Variants in NKAIN2 observed in about 807,000 individuals in gnomAD.
NKAIN2 encodes the protein sodium/potassium transporting ATPase interacting 2.
Under a neutral mutation model 32.6 loss-of-function variants are expected in NKAIN2, and 14 were observed. The observed-to-expected ratio is 0.43, with a 90% confidence interval of 0.28 to 0.67. NKAIN2 has a LOEUF of 0.67. Ranked by LOEUF, NKAIN2 falls within the 30% of genes least tolerant of loss-of-function variation. The pLI is 0.17. For synonymous variants in NKAIN2, 80 were observed against 87.2 expected, an observed-to-expected ratio of 0.92 and a Z score of 0.46; for missense variants, 198 against 258.3, an observed-to-expected ratio of 0.77 and a Z score of 1.60.
At chr6:123,961,015 C>T (rs1281323402) in intron 1 of NKAIN2, among the ~76,000 whole-genome samples, 3 of 152,000 alleles carry the variant, frequency 2.0e-5, no homozygotes, top group Admixed American at 2.0e-4. Flanking sequence ...CAAAAGAATA[C>T]TGCCCTGGTA....
intron 3 of NKAIN2, among the ~76,000 whole-genome samples, chr6:124,356,730 G>T (rs1026830571): frequency 1.3e-5 from 2 of 152,148 alleles, no homozygotes; most frequent in Admixed American, 1.3e-4. Context: ...AAGAAAAGCA[G>T]ACACGCTTTT....
At chr6:124,079,171 A>G (rs962007462) in intron 1 of NKAIN2, among the ~76,000 whole-genome samples, 6 of 152,026 alleles carry the variant, frequency 3.9e-5, no homozygotes, top group African/African-American at 1.4e-4. Context: ...AAAATACAAA[A>G]ATTAGGCGTG....
intron 4 of NKAIN2, among the ~76,000 whole-genome samples, chr6:124,775,479 A>G (rs1324251379): frequency 6.6e-6 from 1 of 152,236 alleles, no homozygotes; most frequent in Non-Finnish European, 1.5e-5. Flanking sequence ...TCCAAGTAGT[A>G]TATTCAAGTT....
At chr6:124,665,190 C>T (rs1396927963) in intron 4 of NKAIN2, among the ~76,000 whole-genome samples, 1 of 152,012 alleles carries the variant, frequency 6.6e-6, no homozygotes, top group Non-Finnish European at 1.5e-5. Flanking sequence ...AACCACAAAA[C>T]ACCAGAATAA....
intron 4 of NKAIN2, among the ~76,000 whole-genome samples, chr6:124,789,956 G>A (rs902327603): frequency 6.6e-6 from 1 of 151,990 alleles, no homozygotes; most frequent in Non-Finnish European, 1.5e-5. Context: ...AGAGAGGGCA[G>A]GGGGTACGCC....
intron 3 of NKAIN2, among the ~76,000 whole-genome samples, chr6:124,537,045 G>A (rs1453726143): frequency 6.6e-6 from 1 of 152,160 alleles, no homozygotes; most frequent in Non-Finnish European, 1.5e-5. Flanking sequence ...CACGTGGAAG[G>A]GAAGAAGCAG....
chr6:124,623,454 A>G (rs1465556210), intron 3 of NKAIN2, among the ~76,000 whole-genome samples: 4 of 152,218 alleles, frequency 2.6e-5, no homozygotes, highest in Non-Finnish European at 5.9e-5. Flanking sequence ...TTAAAAATGT[A>G]AGTATGAAAA....
intron 3 of NKAIN2, among the ~76,000 whole-genome samples, chr6:124,616,558 A>T (rs1333368348): frequency 7.6e-6 from 1 of 131,642 alleles, no homozygotes; most frequent in South Asian, 2.4e-4. Flanking sequence ...TCCGCCTCCC[A>T]GGTTCACGCC....
At chr6:124,456,603 TTCTC>T (rs1339045179) in intron 3 of NKAIN2, among the ~76,000 whole-genome samples, 4 of 151,906 alleles carry the variant, frequency 2.6e-5, no homozygotes, top group Non-Finnish European at 5.9e-5. Flanking sequence ...TACTGGCCAT[TTCTC>T]TCCTTAAATA....
At chr6:124,236,798 A>T (rs1170997044) in intron 1 of NKAIN2, among the ~76,000 whole-genome samples, 1 of 152,142 alleles carries the variant, frequency 6.6e-6, no homozygotes. Flanking sequence ...ACTAGGGAGA[A>T]GAAGAAAAAC....
chr6:124,151,666 G>A (rs1051186044), intron 1 of NKAIN2, among the ~76,000 whole-genome samples: 5 of 152,052 alleles, frequency 3.3e-5, no homozygotes, highest in Admixed American at 3.3e-4. Context: ...ATTTGTTATT[G>A]TCTACCCTTT....
At chr6:124,637,211 CAACAAATTAGGTATAA>C (rs1235318593) in intron 3 of NKAIN2, among the ~76,000 whole-genome samples, 1 of 151,954 alleles carries the variant, frequency 6.6e-6, no homozygotes, top group African/African-American at 2.4e-5. Context: ...AAACAACTTT[CAACAAATTAGGTATAA>C]AAGAAACATA....
rs544975849 is a variant in NKAIN2 at position 124,271,918 on chromosome 6, G to C, written c.55-11087G>C. Reference sequence around the variant, plus strand: ...GATCTATGGAAATTTGAACTTGAGAGAGATGATTTAGGGTATCTGGCGGAA... The same window carrying C: ...GATCTATGGAAATTTGAACTTGAGACAGATGATTTAGGGTATCTGGCGGAA... On this transcript the variant is annotated intron_variant, in intron 1 of 6. Transcript: ENST00000368417. Among the ~76,000 whole-genome samples, 44 of 152,290 alleles carry C rather than the reference G, an allele frequency of 2.9e-4. 1 individual carries two copies. In the South Asian group the frequency reaches 8.5e-3, roughly 29 times the overall value.
At chr6:123,870,481 TGTATGA>T (rs1257068095) in intron 1 of NKAIN2, among the ~76,000 whole-genome samples, 3 of 152,176 alleles carry the variant, frequency 2.0e-5, no homozygotes, top group Non-Finnish European at 4.4e-5. Context: ...TCACTTTCTG[TGTATGA>T]GACTGAGCAA....
chr6:124,412,030 A>G lies in NKAIN2; in HGVS notation c.273+56683A>G, dbSNP rs900954783. On this transcript the variant is annotated intron_variant, in intron 3 of 6. Transcript: ENST00000368417. ...TTCTCGTGCCGTGGTTTTCAGCTCC[A>G]TCAGGTCCTTTAAGGACTTCTCTGC... Among the ~76,000 whole-genome samples the G allele has an allele frequency of 4.6e-5, 7 of 152,230 alleles. No homozygotes were observed. The South Asian group carries it at 1.2e-3, about 27-fold the overall frequency.
chr6:124,276,587 G>A (rs1795044795), intron 1 of NKAIN2, among the ~76,000 whole-genome samples: 1 of 152,018 alleles, frequency 6.6e-6, no homozygotes, highest in Admixed American at 6.6e-5. Context: ...CAGCACATAT[G>A]TTCTCATTGA....
intron 1 of NKAIN2, among the ~76,000 whole-genome samples, chr6:124,167,265 A>T (rs1481232271): frequency 3.3e-5 from 5 of 150,524 alleles, no homozygotes; most frequent in African/African-American, 7.3e-5. Context: ...TAGGTATTTT[A>T]TTCTCTTTGA....
At chr6:124,371,021 G>A (rs1053579314) in intron 3 of NKAIN2, among the ~76,000 whole-genome samples, 7 of 151,944 alleles carry the variant, frequency 4.6e-5, no homozygotes, top group African/African-American at 1.2e-4. Flanking sequence ...TGTTAACTGC[G>A]GCATCATAGT....
rs781319620 is a variant in NKAIN2, at chr6:123,804,194, G to C, written c.-7G>C. 1.9e-6 allele frequency: 3 copies of C among 1,613,718 alleles called. No homozygotes were observed. The highest frequency in any genetic ancestry group is 1.7e-5 in the Admixed American group (1 of 59,992). On this transcript the variant is annotated 5_prime_UTR_variant, in exon 1 of 7. Transcript: ENST00000368417. The stretch of plus-strand genomic sequence containing the variant: ...ACAGTCTGGCTGTGGCAGGGGTCTC[G>C]GAAACCATGGGTTATTGCAGTGGCA...
Sources: gnomAD v4.1 joint callset for allele counts (sites outside exome capture counted in the v4.1 genomes callset) on GRCh38, gnomAD v4.1.1 for gene constraint, MANE v1.5 for transcripts, NCBI Gene and HGNC (gene_info 2026-07-23, HGNC 2026-07-21) for gene names.